The following FOXP2 variants were observed in gnomAD, a reference collection of about 807,000 sequenced individuals.
FOXP2 encodes the protein forkhead box P2.
Under a neutral mutation model 115.8 loss-of-function variants are expected in FOXP2, and 12 were observed. That is an observed-to-expected ratio of 0.10 (90% CI 0.07 to 0.17). The LOEUF (loss-of-function observed/expected upper bound fraction) is 0.17. Ranked by LOEUF, FOXP2 falls within the 10% of genes least tolerant of loss-of-function variation. The pLI is 1.00. For missense variants in FOXP2, 629 were observed against 843.5 expected, an observed-to-expected ratio of 0.75 and a Z score of 3.15; for synonymous variants, 328 against 297.7, an observed-to-expected ratio of 1.10 and a Z score of -1.05.
intron 2 of FOXP2, among the ~76,000 whole-genome samples, chr7:114,443,258 G>C (rs1016426798): frequency 6.6e-6 from 1 of 152,028 alleles, no homozygotes; most frequent in Admixed American, 6.6e-5. Context: ...AAATAGTAAA[G>C]AATAAAATTA....
At chr7:114,598,169 G>T (rs1193141327) in intron 3 of FOXP2, among the ~76,000 whole-genome samples, 1 of 152,074 alleles carries the variant, frequency 6.6e-6, no homozygotes, top group East Asian at 1.9e-4. Context: ...AAGAAAAAGG[G>T]ATTGTTAGTT....
intron 1 of FOXP2, among the ~76,000 whole-genome samples, chr7:114,093,275 G>A (rs140077438): frequency 0.027 from 4,163 of 152,168 alleles, 71 homozygotes; most frequent in Non-Finnish European, 0.042. Flanking sequence ...ACTTCAGGAG[G>A]TCTCTGCTCA....
chr7:114,299,204 G>C (rs1796820275), intron 2 of FOXP2, among the ~76,000 whole-genome samples: 3 of 151,962 alleles, frequency 2.0e-5, no homozygotes, highest in African/African-American at 7.3e-5. Flanking sequence ...GAGTAAAAAG[G>C]ATTCTGTTAG....
intron 2 of FOXP2, among the ~76,000 whole-genome samples, chr7:114,307,669 A>G (rs1797048227): frequency 6.6e-6 from 1 of 152,190 alleles, no homozygotes; most frequent in Non-Finnish European, 1.5e-5. Flanking sequence ...ATTGCCATAC[A>G]TTTCATAACT....
rs1037015788 is a variant in FOXP2 at position 114,455,385 on chromosome 7, C to T, written c.168+28706C>T. Among the ~76,000 whole-genome samples the T allele has an allele frequency of 2.6e-5, 4 of 152,116 alleles. No individual in the cohort carries two copies. The East Asian group carries it at 7.7e-4, about 29-fold the overall frequency. ...TTGCCATTGTGTATATTGTGTAATG[C>T]ACAAAGACAACCTTATTGCCTCTGG... is the stretch of plus-strand genomic sequence containing the variant. On this transcript the variant is annotated intron_variant, in intron 2 of 16. Coordinates refer to ENST00000350908, the MANE Select transcript of FOXP2 (RefSeq NM_014491.4).
chr7:114,405,422 G>A (rs971474433), intron 2 of FOXP2, among the ~76,000 whole-genome samples: 3 of 151,704 alleles, frequency 2.0e-5, no homozygotes, highest in African/African-American at 4.8e-5. Context: ...CCCATTTGAC[G>A]TTCATGTATA....
chr7:114,637,315 A>C (rs1340173155), intron 6 of FOXP2, among the ~76,000 whole-genome samples: 2 of 152,244 alleles, frequency 1.3e-5, no homozygotes, highest in East Asian at 3.8e-4. Flanking sequence ...ATCAACCAAA[A>C]GTAGAATAGG....
chr7:114,363,403 C>T (rs1791797142), intron 2 of FOXP2, among the ~76,000 whole-genome samples: 1 of 151,968 alleles, frequency 6.6e-6, no homozygotes, highest in Non-Finnish European at 1.5e-5. Context: ...TAATAGGCAT[C>T]CTTAGTTTAA....
rs573102910 is a variant in FOXP2, at chr7:114,164,636, G to A, written c.-102+1548G>A. On this transcript the variant is annotated intron_variant, in intron 1 of 17. Transcript: ENST00000634411. ...ATTACAGGCATAAGCCACCGTGCCC[G>A]GCCCAAAACATTTTTTAAATCATTG... Among the ~76,000 whole-genome samples the A allele has an allele frequency of 7.2e-5, 11 of 152,078 alleles. No homozygotes were observed. The South Asian group carries it at 2.1e-3, about 29-fold the overall frequency.
chr7:114,550,414 C>T (rs1800151491), intron 3 of FOXP2, among the ~76,000 whole-genome samples: 1 of 152,120 alleles, frequency 6.6e-6, no homozygotes, highest in Non-Finnish European at 1.5e-5. Flanking sequence ...CCGCACCCGG[C>T]CTCATCTTTC....
chr7:114,366,235 C>A (rs569935999), intron 2 of FOXP2, among the ~76,000 whole-genome samples: 3 of 152,076 alleles, frequency 2.0e-5, no homozygotes, highest in Non-Finnish European at 4.4e-5. Flanking sequence ...GTGATCGAAA[C>A]TACTAAACAG....
At chr7:114,221,263 A>T (rs1794613656) in intron 1 of FOXP2, among the ~76,000 whole-genome samples, 1 of 152,138 alleles carries the variant, frequency 6.6e-6, no homozygotes, top group Admixed American at 6.5e-5. Context: ...GGGTAAAAAC[A>T]GTTTACTTTG....
intron 4 of FOXP2, chr7:114,628,880 T>C: frequency 5.0e-6 from 3 of 605,076 alleles, no homozygotes; most frequent in South Asian, 2.0e-5. Context: ...ATTATTAAAG[T>C]CTAGAATAAG....
At position 114,283,257 on chromosome 7, in the gene FOXP2, T is replaced by C. The variant is rs142738834; in HGVS notation, c.-101-4762T>C. Among the ~76,000 whole-genome samples the C allele has an allele frequency of 2.7e-3, 404 of 152,324 alleles. 2 individuals carry two copies. The highest frequency in any genetic ancestry group is 4.6e-3 in the Non-Finnish European group (313 of 68,004). ...GTTCTCACCATTATTCAGGAAACCATGTGCTATACAATATTAAAACAGTAT... is the reference window on the plus strand; with the variant it reads ...GTTCTCACCATTATTCAGGAAACCACGTGCTATACAATATTAAAACAGTAT... On this transcript the variant is annotated intron_variant, in intron 1 of 17. Transcript: ENST00000634411.
At chr7:114,297,285 A>C (rs571411120) in intron 2 of FOXP2, 2 of 543,522 alleles carry the variant, frequency 3.7e-6, no homozygotes, top group African/African-American at 1.9e-5. Context: ...GGGCGAACCC[A>C]CACACCTCTG....
chr7:114,381,441 G>C (rs1792291157), intron 2 of FOXP2, among the ~76,000 whole-genome samples: 1 of 152,140 alleles, frequency 6.6e-6, no homozygotes, highest in South Asian at 2.1e-4. Flanking sequence ...CTCAAGTCTT[G>C]GGCTAATGCC....
At chr7:114,176,531 G>A (rs1300774383) in intron 1 of FOXP2, among the ~76,000 whole-genome samples, 2 of 151,634 alleles carry the variant, frequency 1.3e-5, no homozygotes, top group East Asian at 1.9e-4. Flanking sequence ...TGTAGAGTCG[G>A]GATTTCACCA....
intron 1 of FOXP2, 58 bp downstream of exon 1, chr7:114,415,418 A>C (rs560457713): frequency 2.6e-6 from 1 of 383,376 alleles, no homozygotes; most frequent in African/African-American, 2.1e-5. Flanking sequence ...GTGGGATTTT[A>C]CGATTGCTTT....
chr7:114,124,270 T>C (rs551172836), intron 1 of FOXP2, among the ~76,000 whole-genome samples: 1 of 152,184 alleles, frequency 6.6e-6, no homozygotes, highest in South Asian at 2.1e-4. Flanking sequence ...TCAATAAATT[T>C]AGGGGCATTT....
Sources: allele counts gnomAD v4.1 joint callset (sites outside exome capture counted in the v4.1 genomes callset), GRCh38; gene constraint gnomAD v4.1.1; transcripts MANE v1.5; gene names NCBI Gene and HGNC (gene_info 2026-07-23, HGNC 2026-07-21).